Variants in RPS6KA5 observed in about 807,000 individuals in gnomAD.
RPS6KA5 encodes the protein ribosomal protein S6 kinase alpha-5.
RPS6KA5 carries 27 observed loss-of-function variants against 85.5 expected under a neutral mutation model. That is an observed-to-expected ratio of 0.32 (90% CI 0.23 to 0.44). The LOEUF (loss-of-function observed/expected upper bound fraction) is 0.44, where lower values mean the gene tolerates loss of function less well. Ranked by LOEUF, RPS6KA5 falls within the 20% of genes least tolerant of loss-of-function variation. The probability of loss-of-function intolerance (pLI) is 1.00; values close to 1 mark genes in which losing one functional copy is unlikely to be tolerated. For synonymous variants in RPS6KA5, 334 were observed against 348.2 expected (o/e 0.96, Z 0.46); for missense variants, 811 against 980.9 (o/e 0.83, Z 2.31).
At chr14:91,039,851 G>GTT (rs1285153888) in intron 1 of RPS6KA5, among the ~76,000 whole-genome samples, 6 of 148,494 alleles carry the variant, frequency 4.0e-5, no homozygotes, top group African/African-American at 1.6e-4. Flanking sequence ...TGAAAATTAA[G>GTT]TAAGATAGGC....
intron 11 of RPS6KA5, among the ~76,000 whole-genome samples, chr14:90,899,681 A>G (rs2035048244): frequency 6.6e-6 from 1 of 152,248 alleles, no homozygotes; most frequent in South Asian, 2.1e-4. Flanking sequence ...GACAATTTAG[A>G]GTAATAAGAA....
At chr14:91,026,658 A>G in intron 1 of RPS6KA5, among the ~76,000 whole-genome samples, 1 of 152,244 alleles carries the variant, frequency 6.6e-6, no homozygotes, top group South Asian at 2.1e-4. Context: ...ATTTAGGCAC[A>G]TACTCAGTAA....
rs1166469484 is a variant in RPS6KA5, at chr14:90,855,584, C to A, written c.*16490G>T. ...TCCCAAGTAGCTGGGCCCACAGGCACCCACCACCACGCCCAGCTAATTTTT... is the reference window on the plus strand; with the variant it reads ...TCCCAAGTAGCTGGGCCCACAGGCAACCACCACCACGCCCAGCTAATTTTT... On this transcript the variant is annotated 3_prime_UTR_variant, in exon 17 of 17. Coordinates refer to ENST00000614987, the MANE Select transcript of RPS6KA5 (RefSeq NM_004755.4). 3 of 151,008 alleles carry A rather than the reference C, an allele frequency of 2.0e-5. No individual in the cohort carries two copies. Among genetic ancestry groups the A allele is most frequent in the Non-Finnish European group, 4.4e-5 (3 of 67,870 alleles). The allele number at this position is 151,008 out of a possible 1,614,324, so 9.4% of individuals were successfully genotyped here.
At chr14:90,984,743 T>C (rs551934097) in intron 2 of RPS6KA5, among the ~76,000 whole-genome samples, 11 of 152,308 alleles carry the variant, frequency 7.2e-5, no homozygotes, top group Non-Finnish European at 1.5e-5. Context: ...TTTTAAGCAC[T>C]TATGGCTATA....
intron 7 of RPS6KA5, among the ~76,000 whole-genome samples, chr14:90,915,105 T>C (rs548779170): frequency 2.0e-5 from 3 of 152,278 alleles, no homozygotes; most frequent in South Asian, 2.1e-4. Flanking sequence ...TGATTTCTTC[T>C]TAAAACAGGG....
intron 5 of RPS6KA5, among the ~76,000 whole-genome samples, chr14:90,928,227 A>C (rs2140311479): frequency 6.6e-6 from 1 of 152,174 alleles, no homozygotes; most frequent in South Asian, 2.1e-4. Flanking sequence ...AAAAGTGACA[A>C]TAAATATTAC....
At chr14:90,993,762 A>G (rs2040403332) in intron 2 of RPS6KA5, among the ~76,000 whole-genome samples, 1 of 152,200 alleles carries the variant, frequency 6.6e-6, no homozygotes, top group South Asian at 2.1e-4. Context: ...ACTTGTATGC[A>G]AGTACTTGTA....
chr14:90,926,862 A>G (rs947634945), intron 5 of RPS6KA5, among the ~76,000 whole-genome samples: 1 of 152,168 alleles, frequency 6.6e-6, no homozygotes, highest in Admixed American at 6.5e-5. Context: ...TAATAAATTG[A>G]ACTTGAAAGA....
At chr14:90,883,091 G>T (rs2033963259) in intron 14 of RPS6KA5, among the ~76,000 whole-genome samples, 1 of 152,064 alleles carries the variant, frequency 6.6e-6, no homozygotes. Context: ...TCATTATAAT[G>T]TGTTTCAGTG....
In RPS6KA5 at chr14:90,978,415, T is replaced by C; in HGVS notation, c.285A>G (p.Thr95=). The C allele has an allele frequency of 6.2e-7, 1 of 1,614,090 alleles. No homozygotes were observed. The highest frequency in any genetic ancestry group is 8.5e-7 in the Non-Finnish European group (1 of 1,179,962). ...KATIVQKAKT[T]EHTRTERQVL... ...CTTGTCGTTCTGTCCTTGTATGCTC[T>C]GTGGTTTTGGCCTTTTGAACGATTG... The change falls in exon 3 of 17, where the codon ACA becomes ACG. Residue 95 remains threonine (T), a synonymous_variant. Transcript: ENST00000614987.
chr14:90,973,985 C>T (rs1420367891), intron 3 of RPS6KA5, among the ~76,000 whole-genome samples: 2 of 126,166 alleles, frequency 1.6e-5, no homozygotes, highest in Non-Finnish European at 3.1e-5. Flanking sequence ...CTGCAGTGGG[C>T]CAAGATTGCA....
At chr14:91,042,699 C>T (rs2042651994) in intron 1 of RPS6KA5, among the ~76,000 whole-genome samples, 1 of 152,084 alleles carries the variant, frequency 6.6e-6, no homozygotes, top group African/African-American at 2.4e-5. Context: ...CTACCTCTTC[C>T]TTCCCATTAA....
chr14:90,941,684 G>C (rs1305296925), intron 5 of RPS6KA5, among the ~76,000 whole-genome samples: 1 of 152,116 alleles, frequency 6.6e-6, no homozygotes, highest in Non-Finnish European at 1.5e-5. Flanking sequence ...CTACTTCGAG[G>C]GATACCTGCT....
chr14:91,007,698 C>T (rs1303171601), intron 1 of RPS6KA5, among the ~76,000 whole-genome samples: 1 of 135,294 alleles, frequency 7.4e-6, no homozygotes, highest in Admixed American at 7.9e-5. Context: ...CTGTCCAATA[C>T]TTACTATTTT....
intron 2 of RPS6KA5, among the ~76,000 whole-genome samples, chr14:90,997,782 G>C (rs149437040): frequency 1.4e-4 from 22 of 152,020 alleles, no homozygotes; most frequent in Admixed American, 1.4e-3. Flanking sequence ...AGGCCAAGGC[G>C]GGCAGATCGC....
chr14:90,885,065 C>G (rs2034102002), intron 14 of RPS6KA5, among the ~76,000 whole-genome samples: 1 of 151,402 alleles, frequency 6.6e-6, no homozygotes, highest in Non-Finnish European at 1.5e-5. Context: ...CTAGCCTGGG[C>G]AACATGGCAA....
intron 2 of RPS6KA5, among the ~76,000 whole-genome samples, chr14:90,985,136 T>C (rs777138822): frequency 4.0e-5 from 6 of 151,808 alleles, no homozygotes; most frequent in Non-Finnish European, 5.9e-5. Context: ...AGAAATGGGG[T>C]TTTTCCATGT....
At chr14:90,875,422 A>G in intron 14 of RPS6KA5, 62 bp from the exon 15 acceptor site, 1 of 1,449,386 alleles carries the variant, frequency 6.9e-7, no homozygotes, top group Non-Finnish European at 9.4e-7. Flanking sequence ...CACTCTAATA[A>G]TCCTAATAGT....
At chr14:90,991,918 CT>C (rs1192179474) in intron 2 of RPS6KA5, among the ~76,000 whole-genome samples, 3 of 151,928 alleles carry the variant, frequency 2.0e-5, no homozygotes, top group African/African-American at 7.3e-5. Context: ...AAAAGTAAAT[CT>C]TTGATATTCA....
Sources: gnomAD v4.1 joint callset for allele counts (sites outside exome capture counted in the v4.1 genomes callset) on GRCh38, gnomAD v4.1.1 for gene constraint, MANE v1.5 for transcripts, NCBI Gene and HGNC (gene_info 2026-07-23, HGNC 2026-07-21) for gene names.